The following DIP2C variants were observed in gnomAD, a reference collection of about 807,000 sequenced individuals.
DIP2C encodes DIP2 acetate--CoA ligase C (putative), also known as disco-interacting protein 2 homolog C.
In DIP2C, 33 loss-of-function variants were observed where a neutral mutation model predicts 192.4. The ratio of observed to expected loss-of-function variants is 0.17; its 90% confidence interval spans 0.13 to 0.23. The LOEUF (loss-of-function observed/expected upper bound fraction) is 0.23. Among genes scored for constraint, DIP2C ranks in the 10% least tolerant of loss-of-function variants. DIP2C has a pLI of 1.00. For synonymous variants in DIP2C, 979 were observed against 864.1 expected (o/e 1.13, Z -2.33); for missense variants, 1,537 against 2,110.1 (o/e 0.73, Z 5.32).
At chr10:361,068 G>A (rs538448042) in intron 22 of DIP2C, among the ~76,000 whole-genome samples, 2 of 152,230 alleles carry the variant, frequency 1.3e-5, no homozygotes, top group Admixed American at 6.5e-5. Context: ...CAGAGACGTA[G>A]GGCCTCAGCT....
chr10:458,902 C>T (rs202114213), intron 3 of DIP2C, among the ~76,000 whole-genome samples: 1 of 148,660 alleles, frequency 6.7e-6, no homozygotes, highest in South Asian at 2.1e-4. Context: ...AGTCTATTTC[C>T]AAAACTGACA....
intron 3 of DIP2C, among the ~76,000 whole-genome samples, chr10:460,886 G>C (rs1397936310): frequency 1.3e-5 from 2 of 152,198 alleles, no homozygotes; most frequent in African/African-American, 4.8e-5. Flanking sequence ...CCAGAAGAGA[G>C]TGGGGGCCAA....
intron 4 of DIP2C, among the ~76,000 whole-genome samples, chr10:428,013 A>G (rs1589772506): frequency 6.6e-6 from 1 of 152,246 alleles, no homozygotes; most frequent in Admixed American, 6.5e-5. Context: ...ATGAATAACC[A>G]ACTGGTAAAT....
chr10:418,466 A>G (rs1208187212), intron 6 of DIP2C, among the ~76,000 whole-genome samples: 1 of 152,122 alleles, frequency 6.6e-6, no homozygotes, highest in African/African-American at 2.4e-5. Context: ...GACTTTTATG[A>G]CCTCGGGAAG....
At chr10:576,698 A>C (rs1048420869) in intron 1 of DIP2C, among the ~76,000 whole-genome samples, 1 of 152,212 alleles carries the variant, frequency 6.6e-6, no homozygotes, top group Non-Finnish European at 1.5e-5. Context: ...ACTTGAGATC[A>C]GGAGTTGGAG....
intron 35 of DIP2C, among the ~76,000 whole-genome samples, chr10:282,888 G>A (rs751862896): frequency 6.6e-6 from 1 of 152,222 alleles, no homozygotes; most frequent in Non-Finnish European, 1.5e-5. Flanking sequence ...GCAGCCACTG[G>A]GACAGCTTCT....
intron 1 of DIP2C, among the ~76,000 whole-genome samples, chr10:626,152 G>A (rs1246305373): frequency 6.6e-6 from 1 of 152,224 alleles, no homozygotes; most frequent in African/African-American, 2.4e-5. Context: ...ACACTAACGA[G>A]TGCCGATGAC....
intron 1 of DIP2C, among the ~76,000 whole-genome samples, chr10:544,398 C>A (rs1029217055): frequency 6.6e-6 from 1 of 152,210 alleles, no homozygotes; most frequent in Non-Finnish European, 1.5e-5. Flanking sequence ...TATGAAGATT[C>A]TTGCATAAGA....
At chr10:595,761 A>G (rs145765080) in intron 1 of DIP2C, among the ~76,000 whole-genome samples, 155 of 152,284 alleles carry the variant, frequency 1.0e-3, no homozygotes, top group African/African-American at 3.5e-3. Context: ...AGGTTTTTTC[A>G]ATAAGGGTTT....
At chr10:312,495 A>C (rs1429485166) in intron 31 of DIP2C, among the ~76,000 whole-genome samples, 2 of 152,180 alleles carry the variant, frequency 1.3e-5, no homozygotes, top group East Asian at 3.9e-4. Context: ...TAGAGACAGC[A>C]GCTGCAGCAG....
chr10:442,070 A>G (rs1490100312), intron 3 of DIP2C, among the ~76,000 whole-genome samples: 6 of 152,230 alleles, frequency 3.9e-5, no homozygotes, highest in African/African-American at 1.4e-4. Flanking sequence ...AGACACAGGC[A>G]AAAACCCACT....
chr10:321,506 G>A (rs1423413304), intron 31 of DIP2C, among the ~76,000 whole-genome samples: 3 of 149,980 alleles, frequency 2.0e-5, no homozygotes, highest in Non-Finnish European at 4.4e-5. Flanking sequence ...TCCCCCACCA[G>A]AGTGCACAGT....
intron 29 of DIP2C, among the ~76,000 whole-genome samples, chr10:337,041 C>A (rs1957827061): frequency 3.7e-5 from 1 of 26,914 alleles, no homozygotes; most frequent in Non-Finnish European, 6.3e-5. Context: ...GTTGTGGAGG[C>A]CTAGACTGGT....
At chr10:484,672 G>A in intron 2 of DIP2C, 1 of 1,417,740 alleles carries the variant, frequency 7.1e-7, no homozygotes, top group Non-Finnish European at 9.3e-7. Context: ...GGGACCCTCA[G>A]GCCCCCAAGG....
chr10:293,692 C>T (rs1219790737), intron 32 of DIP2C, among the ~76,000 whole-genome samples: 1 of 152,148 alleles, frequency 6.6e-6, no homozygotes, highest in Non-Finnish European at 1.5e-5. Flanking sequence ...TACTTTGCAA[C>T]CAGTGAAGCA....
At chr10:637,751 A>C (rs776936717) in intron 1 of DIP2C, among the ~76,000 whole-genome samples, 2 of 152,236 alleles carry the variant, frequency 1.3e-5, no homozygotes, top group Admixed American at 6.5e-5. Flanking sequence ...ATCAAAACAA[A>C]GAGGTCTTCA....
At chr10:451,133 T>TG (rs1311063130) in intron 3 of DIP2C, among the ~76,000 whole-genome samples, 1 of 152,060 alleles carries the variant, frequency 6.6e-6, no homozygotes, top group African/African-American at 2.4e-5. Flanking sequence ...CTCCCAGCCC[T>TG]GTTCCTTCTA....
chr10:634,805 A>T (rs1467582218), intron 1 of DIP2C, among the ~76,000 whole-genome samples: 2 of 152,160 alleles, frequency 1.3e-5, no homozygotes, highest in Admixed American at 6.5e-5. Flanking sequence ...GATTCTCACG[A>T]CACTGTCAAC....
chr10:449,110 C>T (rs1476800921), intron 3 of DIP2C, among the ~76,000 whole-genome samples: 1 of 151,862 alleles, frequency 6.6e-6, no homozygotes, highest in Non-Finnish European at 1.5e-5. Context: ...GCAGCAGGAC[C>T]CACTCATCCC....
Sources: gnomAD v4.1 joint callset for allele counts (sites outside exome capture counted in the v4.1 genomes callset) on GRCh38, gnomAD v4.1.1 for gene constraint, MANE v1.5 for transcripts, NCBI Gene and HGNC (gene_info 2026-07-23, HGNC 2026-07-21) for gene names.